The following PLXNA2 variants were observed in gnomAD, a reference collection of about 807,000 sequenced individuals.
PLXNA2 encodes the protein plexin-A2.
PLXNA2 carries 91 observed loss-of-function variants against 193.5 expected under a neutral mutation model. The ratio of observed to expected loss-of-function variants is 0.47; its 90% CI spans 0.40 to 0.56. PLXNA2 has a LOEUF of 0.56. Among genes scored for constraint, PLXNA2 ranks in the 20% least tolerant of loss-of-function variants. The pLI is 0.00. For missense variants in PLXNA2, 1,995 were observed against 2,503.2 expected (o/e 0.80, Z 4.33); for synonymous variants, 997 against 1,027.3 (o/e 0.97, Z 0.56).
At chr1:208,093,134 G>A (rs1666768670) in intron 8 of PLXNA2, among the ~76,000 whole-genome samples, 1 of 152,176 alleles carries the variant, frequency 6.6e-6, no homozygotes, top group Non-Finnish European at 1.5e-5. Context: ...GACAAAGCAG[G>A]GGTGTGCTTC....
chr1:208,126,163 G>A (rs918326998), intron 4 of PLXNA2, among the ~76,000 whole-genome samples: 14 of 152,192 alleles, frequency 9.2e-5, no homozygotes, highest in African/African-American at 3.4e-4. Flanking sequence ...CCACGACCAT[G>A]AACGATTGGT....
At chr1:208,079,941 A>G (rs907601986) in intron 11 of PLXNA2, among the ~76,000 whole-genome samples, 2 of 152,214 alleles carry the variant, frequency 1.3e-5, no homozygotes, top group Non-Finnish European at 2.9e-5. Context: ...CCACTCTCAC[A>G]TATGGTCCTC....
At chr1:208,175,055 C>T (rs921823669) in intron 3 of PLXNA2, among the ~76,000 whole-genome samples, 2 of 152,192 alleles carry the variant, frequency 1.3e-5, no homozygotes, top group African/African-American at 4.8e-5. Flanking sequence ...ACACTAGTGG[C>T]TCGTGGGAGC....
intron 4 of PLXNA2, among the ~76,000 whole-genome samples, chr1:208,138,642 T>C (rs1193937639): frequency 6.6e-6 from 1 of 152,246 alleles, no homozygotes; most frequent in Non-Finnish European, 1.5e-5. Context: ...CCCAGGACTT[T>C]GGGAGGCCGA....
chr1:208,134,344 C>T (rs1668242626), intron 4 of PLXNA2, among the ~76,000 whole-genome samples: 1 of 152,122 alleles, frequency 6.6e-6, no homozygotes, highest in Non-Finnish European at 1.5e-5. Flanking sequence ...AATCAAAACC[C>T]GGGTTTGAGG....
At chr1:208,216,504 G>A (rs1276092574) in intron 2 of PLXNA2, among the ~76,000 whole-genome samples, 1 of 152,190 alleles carries the variant, frequency 6.6e-6, no homozygotes, top group Non-Finnish European at 1.5e-5. Context: ...CTGATGTGAT[G>A]TAGGCACTCA....
At chr1:208,052,912 C>T (rs1488667922) in intron 14 of PLXNA2, among the ~76,000 whole-genome samples, 1 of 151,688 alleles carries the variant, frequency 6.6e-6, no homozygotes, top group African/African-American at 2.4e-5. Context: ...GGCCCATGCA[C>T]ATGCCCTTCT....
chr1:208,136,678 A>G (rs1428500068), intron 4 of PLXNA2, among the ~76,000 whole-genome samples: 1 of 152,202 alleles, frequency 6.6e-6, no homozygotes, highest in East Asian at 1.9e-4. Context: ...ATACCAGATT[A>G]TGGGAGACTC....
At position 208,024,816 on chromosome 1, in the gene PLXNA2, C is replaced by T. The variant is rs11118973; in HGVS notation, c.*2427G>A. 76,082 of 152,004 alleles carry T rather than the reference C, an allele frequency of 0.5. 20,213 individuals carry two copies. Among genetic ancestry groups the T allele is most frequent in the Non-Finnish European group, 0.59 (40,079 of 68,002 alleles). 9.4% of individuals were successfully genotyped at this position (152,004 alleles called of 1,614,324 possible). A position where few individuals can be genotyped will look rare whatever the true frequency, so the allele number is the denominator to read the frequency against. On this transcript the variant is annotated 3_prime_UTR_variant, in exon 32 of 32. Coordinates refer to ENST00000367033, the MANE Select transcript of PLXNA2 (RefSeq NM_025179.4). Reference sequence around the variant, plus strand: ...CTGGATGCCAGTCTGAGCAGCCATGCGGCCAGAAAATCTTCACCCAAACAG... The same window carrying T: ...CTGGATGCCAGTCTGAGCAGCCATGTGGCCAGAAAATCTTCACCCAAACAG...
chr1:208,142,582 C>G, intron 3 of PLXNA2, 119 bp from the exon 4 acceptor site: 1 of 961,134 alleles, frequency 1.0e-6, no homozygotes. Flanking sequence ...GTCACTACTC[C>G]ATAGACTGAA....
chr1:208,171,222 G>A (rs1483645456), intron 3 of PLXNA2, among the ~76,000 whole-genome samples: 5 of 152,230 alleles, frequency 3.3e-5, no homozygotes, highest in African/African-American at 1.2e-4. Context: ...CACTGTCACA[G>A]CTTGAACCTG....
At chr1:208,141,332 G>T (rs948272242) in intron 4 of PLXNA2, among the ~76,000 whole-genome samples, 1 of 152,160 alleles carries the variant, frequency 6.6e-6, no homozygotes, top group Non-Finnish European at 1.5e-5. Context: ...TCTGGAAAGG[G>T]TAAGTTTGAT....
intron 1 of PLXNA2, among the ~76,000 whole-genome samples, chr1:208,228,483 C>T (rs1037316685): frequency 1.3e-5 from 2 of 152,198 alleles, no homozygotes; most frequent in Non-Finnish European, 2.9e-5. Context: ...CCATTGGCAG[C>T]CAAGATCCAG....
At position 208,043,125 on chromosome 1, in the gene PLXNA2, C is replaced by G; in HGVS notation, c.3953G>C (p.Arg1318Pro). 6.2e-7 allele frequency: 1 copy of G among 1,614,124 alleles called. No homozygotes were observed. Among genetic ancestry groups the G allele is most frequent in the Non-Finnish European group, 8.5e-7 (1 of 1,179,996 alleles). The stretch of plus-strand genomic sequence containing the variant: ...GAACAGGACTCGCATAGCGTAGGTA[C>G]GATAGTCCAGGTAAGGGATTCCTGA... Reference protein sequence around the residue: ...DRSGIPYLDYRTYAMRVLFPG... With the variant: ...DRSGIPYLDYPTYAMRVLFPG... The change falls in exon 21 of 32, where the codon CGT (arginine) becomes CCT (proline). Residue 1318 changes from arginine to proline, a missense_variant. Coordinates refer to ENST00000367033, the MANE Select transcript of PLXNA2 (RefSeq NM_025179.4).
Position 208,236,836 on chromosome 1 carries a change from C to T in PLXNA2, c.-81+6807G>A, listed in dbSNP as rs990875152. On this transcript the variant is annotated intron_variant, in intron 1 of 31. Transcript: ENST00000367033. This position sits in a 1 kb window ranked among gnomAD's most constrained non-coding sequence, Gnocchi z 4.4. ...CTTCGGAAATACAAGACTACACATA[C>T]CCACATCATTCTTGAAGATATAGAA... Among the ~76,000 whole-genome samples the T allele has an allele frequency of 6.6e-6, 1 of 152,210 alleles. No individual in the cohort carries two copies. Among genetic ancestry groups the T allele is most frequent in the Non-Finnish European group, 1.5e-5 (1 of 68,036 alleles).
intron 3 of PLXNA2, among the ~76,000 whole-genome samples, chr1:208,159,167 T>C (rs1023374376): frequency 2.0e-5 from 3 of 152,126 alleles, no homozygotes; most frequent in Non-Finnish European, 4.4e-5. Flanking sequence ...CCCTAGAGGC[T>C]CTGGGGAGGG....
At chr1:208,073,798 A>G (rs940396650) in intron 12 of PLXNA2, among the ~76,000 whole-genome samples, 3 of 152,102 alleles carry the variant, frequency 2.0e-5, no homozygotes. Context: ...AGACACACAC[A>G]CAGAGATAGA....
chr1:208,219,822 T>G (rs980594394), intron 1 of PLXNA2, among the ~76,000 whole-genome samples: 10 of 152,142 alleles, frequency 6.6e-5, no homozygotes, highest in Middle Eastern at 3.2e-3. Flanking sequence ...GGCATGAGAC[T>G]CAGGCTGACC....
intron 3 of PLXNA2, among the ~76,000 whole-genome samples, chr1:208,168,348 A>T (rs1461280505): frequency 6.6e-6 from 1 of 152,208 alleles, no homozygotes; most frequent in Non-Finnish European, 1.5e-5. Flanking sequence ...AAATACACAC[A>T]TTCCAATTTA....
Sources: gnomAD v4.1 joint callset for allele counts (sites outside exome capture counted in the v4.1 genomes callset) on GRCh38, gnomAD v4.1.1 for gene constraint, Gnocchi (gnomAD v3.1) non-coding constraint, MANE v1.5 for transcripts, NCBI Gene and HGNC (gene_info 2026-07-23, HGNC 2026-07-21) for gene names.